The following ZZEF1 variants were observed in gnomAD, a reference collection of about 807,000 sequenced individuals.
The protein encoded by ZZEF1 is zinc finger ZZ-type and EF-hand domain containing 1, also known as zinc finger ZZ-type and EF-hand domain-containing protein 1.
ZZEF1 carries 157 observed loss-of-function variants against 342.8 expected under a neutral mutation model. That is an observed-to-expected ratio of 0.46 (90% CI 0.40 to 0.52). The LOEUF (loss-of-function observed/expected upper bound fraction) is 0.52, where lower values mean the gene tolerates loss of function less well. Among genes scored for constraint, ZZEF1 ranks in the 20% least tolerant of loss-of-function variants. The probability of loss-of-function intolerance (pLI) is 0.00; values close to 1 mark genes in which losing one functional copy is unlikely to be tolerated. For synonymous variants in ZZEF1, 1,505 were observed against 1,429.1 expected (o/e 1.05, Z -1.20); for missense variants, 3,480 against 3,725.6 (o/e 0.93, Z 1.72).
chr17:4,096,545 T>C (rs2058036698), intron 10 of ZZEF1, 64 bp downstream of exon 10: 2 of 1,355,738 alleles, frequency 1.5e-6, no homozygotes, highest in African/African-American at 1.4e-5. Context: ...ATACCTACTA[T>C]GTACCCATAA....
chr17:4,050,922 G>C lies in ZZEF1; in HGVS notation c.5722C>G (p.Leu1908Val), dbSNP rs142867414. 3.1e-6 allele frequency: 5 copies of C among 1,614,222 alleles called. No individual in the cohort carries two copies. The highest frequency in any genetic ancestry group is 4.2e-6 in the Non-Finnish European group (5 of 1,180,040). Residue 1908 changes from leucine (L) to valine (V), a missense_variant, in exon 36 of 55, where the codon CTC (leucine) becomes GTC (valine). Physicochemically the swap from Leu to Val is conservative, Grantham distance 32. This residue lies in a region of ZZEF1 where 1,269 missense variants were observed against 1,342.4 expected (regional missense o/e 0.95). Transcript: ENST00000381638. ...YSWLLFAALA[L>V]YSAHLASAED... is the part of the protein sequence containing the mutation. ...GCACTGGCCAGGTGGGCGCTATAGA[G>C]AGCCAGGGCAGCAAAGAGCAGCCAG...
Position 4,099,867 on chromosome 17 carries a change from A to G in ZZEF1, c.1672+2450T>C, listed in dbSNP as rs547385204. On this transcript the variant is annotated intron_variant, in intron 9 of 54. Coordinates refer to ENST00000381638, the MANE Select transcript of ZZEF1 (RefSeq NM_015113.4). ...AGCTGAACTGTGATATTTTAAATCT[A>G]TAAGTTTTGACACCCTGCCCTCCAC... Among the ~76,000 whole-genome samples, 623 of 152,152 alleles carry G rather than the reference A, an allele frequency of 4.1e-3. 2 individuals are homozygous for G. The highest frequency in any genetic ancestry group is 7.6e-3 in the Non-Finnish European group (516 of 67,988).
rs2057397944 is a variant in ZZEF1, at chr17:4,066,430, G to C, written c.4249+17C>G. The C allele has an allele frequency of 1.2e-6, 2 of 1,612,384 alleles. No individual in the cohort carries two copies. Among genetic ancestry groups the C allele is most frequent in the South Asian group, 2.2e-5 (2 of 90,982 alleles). The stretch of plus-strand genomic sequence containing the variant: ...AACAGAAGGCTCAGGGACAACAGCT[G>C]GTGTTAGCACACTCACCCAGGCTCT... On this transcript the variant is annotated intron_variant, in intron 28 of 54. Coordinates refer to ENST00000381638, the MANE Select transcript of ZZEF1 (RefSeq NM_015113.4).
At chr17:4,137,637 C>A (rs747795785) in intron 1 of ZZEF1, among the ~76,000 whole-genome samples, 1 of 152,132 alleles carries the variant, frequency 6.6e-6, no homozygotes, top group East Asian at 1.9e-4. Flanking sequence ...TCTCCACTCA[C>A]CAAGGATCTT....
chr17:4,132,674 TACAAAAAATTA>T (rs2058681414), intron 1 of ZZEF1, among the ~76,000 whole-genome samples: 2 of 132,644 alleles, frequency 1.5e-5, no homozygotes, highest in Non-Finnish European at 3.3e-5. Flanking sequence ...CTACTAAAAA[TACAAAAAATTA>T]GCCGGGTGTG....
chr17:4,123,828 C>T (rs1309554538), intron 2 of ZZEF1, 79 bp downstream of exon 2: 2 of 1,519,580 alleles, frequency 1.3e-6, no homozygotes, highest in Admixed American at 2.1e-5. Context: ...TGCATGTGGC[C>T]ACAATTTTGC....
chr17:4,070,533 T>C, intron 26 of ZZEF1, 151 bp downstream of exon 26: 1 of 1,037,452 alleles, frequency 9.6e-7, no homozygotes, highest in South Asian at 2.0e-5. Context: ...CATGAATCTT[T>C]TAATAGGCAA....
chr17:4,061,169 G>A lies in ZZEF1; in HGVS notation c.4883+1584C>T, dbSNP rs79727455. Among the ~76,000 whole-genome samples, 807 of 152,184 alleles carry A rather than the reference G, an allele frequency of 5.3e-3. 10 individuals carry two copies. The highest frequency in any genetic ancestry group is 0.019 in the African/African-American group (768 of 41,498). On this transcript the variant is annotated intron_variant, in intron 30 of 54. Transcript: ENST00000381638. ...AATCCAGTGTGTTTTTATCTCTTTC[G>A]AACTCTCACATTAGTATTTGACACA...
intron 33 of ZZEF1, among the ~76,000 whole-genome samples, chr17:4,054,635 A>G (rs1243114658): frequency 6.6e-6 from 1 of 152,232 alleles, no homozygotes; most frequent in Non-Finnish European, 1.5e-5. Context: ...AGTGCGTCGA[A>G]TACAGTACAG....
At chr17:4,055,437 G>C (rs962362332) in intron 33 of ZZEF1, among the ~76,000 whole-genome samples, 1 of 152,240 alleles carries the variant, frequency 6.6e-6, no homozygotes, top group Admixed American at 6.5e-5. Context: ...ACCTGACGTG[G>C]AGATGGACAC....
rs2145438207 is a variant in ZZEF1 at position 4,102,428 on chromosome 17, A to G, written c.1574-13T>C. 8 of 1,608,332 alleles carry G rather than the reference A, an allele frequency of 5.0e-6. No individual in the cohort carries two copies. The highest frequency in any genetic ancestry group is 6.8e-6 in the Non-Finnish European group (8 of 1,175,160). ...TGGAGAGGTTTACCTGACCAAAGAA[A>G]AGGAAGACCAAGCTGTAAGCTAAAA... On this transcript the variant is annotated splice_polypyrimidine_tract_variant and intron_variant, in intron 8 of 54. Transcript: ENST00000381638.
rs1597863434 is a variant in ZZEF1 at position 4,081,428 on chromosome 17, A to T, written c.2777T>A (p.Ile926Asn). ...GTCCATGACCGCCAGGACTTCACTG[A>T]TGTTCATCTTGGCCAGGTCGTTCTT... ...PEKNDLAKMN[I>N]SEVLAVMDTL... is the part of the protein sequence containing the mutation. The change falls in exon 18 of 55, where the codon ATC (isoleucine) becomes AAC (asparagine). Residue 926 changes from isoleucine to asparagine, a missense_variant. Physicochemically the swap from Ile to Asn is moderately radical, Grantham distance 149. Transcript: ENST00000381638. 7 of 1,614,048 alleles carry T rather than the reference A, an allele frequency of 4.3e-6. No individual in the cohort carries two copies. In the East Asian group the frequency reaches 1.3e-4, roughly 31 times the overall value.
chr17:4,112,036 ATATATATATATAT>A lies in ZZEF1; in HGVS notation c.1066+560_1066+572del, dbSNP rs2058313380. 1.1e-3 allele frequency among the ~76,000 whole-genome samples: 3 copies of A among 2,610 alleles called. No individual in the cohort carries two copies. The East Asian group carries it at 0.036, about 31-fold the overall frequency. 1.7% of individuals were successfully genotyped at this position (2,610 alleles called of 152,430 possible). On this transcript the variant is annotated intron_variant, in intron 5 of 54. Transcript: ENST00000381638. The stretch of plus-strand genomic sequence containing the variant: ...TGACAAAAAGAGATCCTGTCTAAAT[ATATATATATATAT>A]ATATATATATATATATATATATATA...
chr17:4,121,746 C>T (rs1401439640), intron 2 of ZZEF1, among the ~76,000 whole-genome samples: 2 of 149,134 alleles, frequency 1.3e-5, no homozygotes, highest in Non-Finnish European at 3.0e-5. Context: ...TTTTTTGAGA[C>T]AGGGTCTCGC....
Position 4,086,655 on chromosome 17 carries a change from G to A in ZZEF1, c.2343C>T (p.Asn781=), listed in dbSNP as rs559695171. The change falls in exon 15 of 55, where the codon AAC becomes AAT. Residue 781 remains asparagine, a splice_region_variant and synonymous_variant. Coordinates refer to ENST00000381638, the MANE Select transcript of ZZEF1 (RefSeq NM_015113.4). Reference sequence around the variant, plus strand: ...GGGCAGAGACGCATTCTTCCCTCGGGCTACAGAAAGACAAAAAACATCAGA... The same window carrying A: ...GGGCAGAGACGCATTCTTCCCTCGGACTACAGAAAGACAAAAAACATCAGA... The part of the protein sequence containing the change: ...FWNFYSKLKQ[N]PREECVSAQT... 6.2e-7 allele frequency: 1 copy of A among 1,613,378 alleles called. No individual in the cohort carries two copies. The highest frequency in any genetic ancestry group is 8.5e-7 in the Non-Finnish European group (1 of 1,179,964).
chr17:4,014,602 A>T lies in ZZEF1; in HGVS notation c.8146-87T>A. 1 of 1,437,696 alleles carries T rather than the reference A, an allele frequency of 7.0e-7. No individual in the cohort carries two copies. 89.1% of individuals were successfully genotyped at this position (1,437,696 alleles called of 1,614,324 possible). ...GTCCCATGCCGAGTCCTGTGGCTGG[A>T]CCCGGGTGTGTGAGAATGAGTGAAC... On this transcript the variant is annotated intron_variant, in intron 49 of 54. Coordinates refer to ENST00000381638, the MANE Select transcript of ZZEF1 (RefSeq NM_015113.4). This position sits in a 1 kb window ranked among gnomAD's most constrained non-coding sequence, Gnocchi z 4.4.
rs1209231840 is a variant in ZZEF1, at chr17:4,005,654, C to T, written c.*1236G>A. On this transcript the variant is annotated 3_prime_UTR_variant, in exon 55 of 55. Transcript: ENST00000381638. ...AGGGATCTTCAGAGGCCACGGGGCA[C>T]ACTGGGCCATGGCAATGCTGACCTG... 1 of 152,372 alleles carries T rather than the reference C, an allele frequency of 6.6e-6. No homozygotes were observed. The highest frequency in any genetic ancestry group is 1.5e-5 in the Non-Finnish European group (1 of 68,144). The allele number at this position is 152,372 out of a possible 1,614,324, so 9.4% of individuals were successfully genotyped here. A position where few individuals can be genotyped will look rare whatever the true frequency, so the allele number is the denominator to read the frequency against.
At chr17:4,018,034 T>G in intron 46 of ZZEF1, 63 bp from the exon 47 acceptor site, 1 of 1,588,336 alleles carries the variant, frequency 6.3e-7, no homozygotes, top group Non-Finnish European at 8.6e-7. Context: ...TAACCTGCAC[T>G]TAAACTTGTT....
At chr17:4,047,132 A>C (rs1189558553) in intron 37 of ZZEF1, among the ~76,000 whole-genome samples, 1 of 152,164 alleles carries the variant, frequency 6.6e-6, no homozygotes, top group Non-Finnish European at 1.5e-5. Flanking sequence ...GGGACTCAAA[A>C]GGTGGGAATG....
Sources: allele counts gnomAD v4.1 joint callset (sites outside exome capture counted in the v4.1 genomes callset), GRCh38; gene constraint gnomAD v4.1.1; regional missense constraint gnomAD v4.1.1; non-coding constraint Gnocchi (gnomAD v3.1); transcripts MANE v1.5; gene names NCBI Gene and HGNC (gene_info 2026-07-23, HGNC 2026-07-21).